PAAF1: variants seen among roughly 807,000 people sequenced by gnomAD.
The protein encoded by PAAF1 is proteasomal ATPase-associated factor 1.
Under a neutral mutation model 52.8 loss-of-function variants are expected in PAAF1, and 46 were observed. The observed-to-expected ratio is 0.87, with a 90% CI of 0.69 to 1.11. The LOEUF is 1.11. Ranked by LOEUF, PAAF1 falls within the 50% of genes most tolerant of loss-of-function variation. PAAF1 has a pLI of 0.00. For missense variants in PAAF1, 424 were observed against 477.4 expected (o/e 0.89, Z 1.04); for synonymous variants, 178 against 172.8 (o/e 1.03, Z -0.24).
intron 3 of PAAF1, among the ~76,000 whole-genome samples, chr11:73,889,602 G>A (rs193189087): frequency 6.6e-6 from 1 of 152,344 alleles, no homozygotes; most frequent in East Asian, 1.9e-4. Context: ...GAAAAGTACT[G>A]ATTATTGAAA....
At chr11:73,899,027 G>T (rs1949516404) in intron 4 of PAAF1, 119 bp from the exon 5 acceptor site, 2 of 714,116 alleles carry the variant, frequency 2.8e-6, no homozygotes, top group Non-Finnish European at 4.5e-6. Flanking sequence ...TCCTTTTGTT[G>T]GGAAACACAG....
At chr11:73,911,942 CCTT>C (rs1403117677) in intron 7 of PAAF1, among the ~76,000 whole-genome samples, 3 of 152,086 alleles carry the variant, frequency 2.0e-5, no homozygotes, top group Non-Finnish European at 4.4e-5. Context: ...CCACCAGTGA[CCTT>C]CTTCTTGCCT....
chr11:73,882,960 C>G (rs11821823), intron 2 of PAAF1, among the ~76,000 whole-genome samples: 3,127 of 152,210 alleles, frequency 0.021, 107 homozygotes, highest in African/African-American at 0.07. Flanking sequence ...AGTACAGTTG[C>G]ATGATTATGG....
rs904023182 is a variant in PAAF1, at chr11:73,878,707, T to C, written c.48-72T>C. 9.1e-6 allele frequency: 13 copies of C among 1,422,950 alleles called. No individual in the cohort carries two copies. The East Asian group carries it at 2.7e-4, about 30-fold the overall frequency. 88.1% of individuals were successfully genotyped at this position (1,422,950 alleles called of 1,614,324 possible). ...CAAGCTGGAGGTTACATGACCTTCT[T>C]TCTTCCCTTGTAACTATGGGATCCT... On this transcript the variant is annotated intron_variant, in intron 1 of 11. Transcript: ENST00000310571.
At chr11:73,924,771 G>A (rs1000605253) in intron 11 of PAAF1, 74 bp downstream of exon 11, 8 of 1,201,474 alleles carry the variant, frequency 6.7e-6, no homozygotes, top group Non-Finnish European at 9.8e-6. Context: ...ACTGAATCCA[G>A]ATACCTTGTG....
chr11:73,876,981 G>T, upstream of PAAF1: 2 of 1,500,832 alleles, frequency 1.3e-6, no homozygotes, highest in South Asian at 1.3e-5. Flanking sequence ...CTCACTTCCG[G>T]GAAGGGGCGG....
At chr11:73,909,335 C>G in intron 6 of PAAF1, 64 bp from the exon 7 acceptor site, 1 of 1,476,460 alleles carries the variant, frequency 6.8e-7, no homozygotes, top group Non-Finnish European at 9.3e-7. Flanking sequence ...GCAGCTCCAT[C>G]TTCTCTGCCC....
upstream of PAAF1, chr11:73,876,968 G>C: frequency 2.0e-6 from 3 of 1,485,240 alleles, no homozygotes; most frequent in South Asian, 4.0e-5. Context: ...CGCTTCTCGG[G>C]GACTCACTTC....
intron 10 of PAAF1, among the ~76,000 whole-genome samples, chr11:73,923,612 T>G (rs1200132407): frequency 6.6e-6 from 1 of 152,164 alleles, no homozygotes; most frequent in African/African-American, 2.4e-5. Context: ...CTTGGCTCAC[T>G]GCAACCTCTG....
chr11:73,930,689 G>A lies in PAAF1; in HGVS notation c.*3327G>A, dbSNP rs1442524208. 6.6e-6 allele frequency: 1 copy of A among 151,400 alleles called. No homozygotes were observed. The highest frequency in any genetic ancestry group is 1.5e-5 in the Non-Finnish European group (1 of 67,952). The allele number at this position is 151,400 out of a possible 1,614,324, so 9.4% of individuals were successfully genotyped here. A position where few individuals can be genotyped will look rare whatever the true frequency, so the allele number is the denominator to read the frequency against. On this transcript the variant is annotated 3_prime_UTR_variant, in exon 12 of 12. Coordinates refer to ENST00000310571, the MANE Select transcript of PAAF1 (RefSeq NM_025155.3). ...TTGAACCCAGGAGGTGGAGGGTGTAGTGAGCTGAGATTGCACCACTGCACT... is the reference window on the plus strand; with the variant it reads ...TTGAACCCAGGAGGTGGAGGGTGTAATGAGCTGAGATTGCACCACTGCACT...
chr11:73,893,728 ACT>A (rs1434795968), intron 4 of PAAF1, among the ~76,000 whole-genome samples: 5 of 133,540 alleles, frequency 3.7e-5, no homozygotes, highest in Non-Finnish European at 6.4e-5. Flanking sequence ...CAAAAGTGAA[ACT>A]CTGTCTCCAA....
rs552019392 is a variant in PAAF1, at chr11:73,886,577, G to A, written c.89-777G>A. Among the ~76,000 whole-genome samples, 317 of 146,864 alleles carry A rather than the reference G, an allele frequency of 2.2e-3. 3 individuals carry two copies. The highest frequency in any genetic ancestry group is 6.8e-3 in the African/African-American group (269 of 39,316). ...TAGTCCCAGCTGTTCGGAGGCTGAA[G>A]CAGGAGAATGGTGTGAACCCAGGAG... On this transcript the variant is annotated intron_variant, in intron 2 of 11. Transcript: ENST00000310571.
At chr11:73,915,962 G>GT (rs376974652) in intron 8 of PAAF1, among the ~76,000 whole-genome samples, 24 of 152,166 alleles carry the variant, frequency 1.6e-4, no homozygotes, top group African/African-American at 5.5e-4. Context: ...GGGAAATCAG[G>GT]TTTTTTTGTT....
chr11:73,907,379 C>G (rs1042825578), intron 6 of PAAF1, among the ~76,000 whole-genome samples: 1 of 152,086 alleles, frequency 6.6e-6, no homozygotes, highest in Non-Finnish European at 1.5e-5. Flanking sequence ...TGACTCATAC[C>G]GCCTCACACT....
intron 7 of PAAF1, among the ~76,000 whole-genome samples, chr11:73,912,945 C>T (rs776020038): frequency 1.5e-4 from 23 of 152,122 alleles, no homozygotes; most frequent in Non-Finnish European, 1.0e-4. Context: ...GGCACGTTCT[C>T]GGCTCACTGC....
Position 73,927,439 on chromosome 11 carries a change from T to A in PAAF1, c.*77T>A, listed in dbSNP as rs1950393967. ...AATGAGCAGAAACATCATCAGTCCT[T>A]CCCAAGGACCATGGCGTTTAATGTC... On this transcript the variant is annotated 3_prime_UTR_variant, in exon 12 of 12. Transcript: ENST00000310571. 1 of 1,234,174 alleles carries A rather than the reference T, an allele frequency of 8.1e-7. No individual in the cohort carries two copies. The highest frequency in any genetic ancestry group is 1.2e-6 in the Non-Finnish European group (1 of 844,750). The allele number at this position is 1,234,174 out of a possible 1,614,324, so 76.5% of individuals were successfully genotyped here.
rs11603390 is a variant in PAAF1, at chr11:73,916,767, T to G, written c.935+107T>G. The G allele has an allele frequency of 2.7e-3, 1,760 of 640,662 alleles. 4 individuals are homozygous for G. Among genetic ancestry groups the G allele is most frequent in the Non-Finnish European group, 3.8e-3 (1,510 of 397,146 alleles). The allele number at this position is 640,662 out of a possible 1,614,324, so 39.7% of individuals were successfully genotyped here. ...ATATAGATAACTATTGAATCAAGGG[T>G]ATATTTTTCCATTTACAAAGGTTTT... is the stretch of plus-strand genomic sequence containing the variant. On this transcript the variant is annotated intron_variant, in intron 9 of 11. Coordinates refer to ENST00000310571, the MANE Select transcript of PAAF1 (RefSeq NM_025155.3).
chr11:73,922,588 C>T (rs938908332), intron 10 of PAAF1, among the ~76,000 whole-genome samples: 2 of 151,866 alleles, frequency 1.3e-5, no homozygotes, highest in African/African-American at 2.4e-5. Flanking sequence ...GAGGCCGAGG[C>T]GGGCGGATCA....
At chr11:73,889,096 A>G (rs1336489634) in intron 3 of PAAF1, 3 of 1,005,776 alleles carry the variant, frequency 3.0e-6, no homozygotes, top group East Asian at 5.2e-5. Flanking sequence ...GTTTAGCACT[A>G]CCATGCAAGC....
Sources: gnomAD v4.1 joint callset for allele counts (sites outside exome capture counted in the v4.1 genomes callset) on GRCh38, gnomAD v4.1.1 for gene constraint, MANE v1.5 for transcripts, NCBI Gene and HGNC (gene_info 2026-07-23, HGNC 2026-07-21) for gene names.